Variants in UIMC1 observed in about 807,000 individuals in gnomAD.
UIMC1 encodes BRCA1-A complex subunit RAP80.
A neutral mutation model predicts 84.9 loss-of-function variants in UIMC1; 42 were observed. The ratio of observed to expected loss-of-function variants is 0.49; its 90% CI spans 0.39 to 0.64. The LOEUF is 0.64. UIMC1 is among the 30% of genes least tolerant of loss of function. UIMC1 has a pLI of 0.00. For missense variants in UIMC1, 825 were observed against 847.6 expected (o/e 0.97, Z 0.33); for synonymous variants, 281 against 293.0 (o/e 0.96, Z 0.42).
intron 11 of UIMC1, among the ~76,000 whole-genome samples, chr5:176,910,326 G>C (rs1454168424): frequency 6.6e-6 from 1 of 152,222 alleles, no homozygotes; most frequent in Non-Finnish European, 1.5e-5. Context: ...TGTTGGTAAT[G>C]ACATTACTTT....
intron 8 of UIMC1, among the ~76,000 whole-genome samples, chr5:176,952,641 A>C (rs1162078918): frequency 6.6e-6 from 1 of 152,176 alleles, no homozygotes; most frequent in East Asian, 1.9e-4. Context: ...TTTTATTTTT[A>C]AAAAGTTTGG....
chr5:176,978,882 T>C lies in UIMC1; in HGVS notation c.148-3402A>G, dbSNP rs547165540. ...CATAAAAACGGAAATATGAAACAAA[T>C]AGCAAAACATCAGAAGTAAAAGATG... On this transcript the variant is annotated intron_variant, in intron 2 of 14. Transcript: ENST00000511320. Among the ~76,000 whole-genome samples the C allele has an allele frequency of 7.2e-5, 11 of 152,014 alleles. No individual in the cohort carries two copies. The East Asian group carries it at 1.5e-3, about 21-fold the overall frequency.
At chr5:176,950,851 A>G (rs1044294593) in intron 9 of UIMC1, among the ~76,000 whole-genome samples, 37 of 152,164 alleles carry the variant, frequency 2.4e-4, no homozygotes, top group Admixed American at 1.2e-3. Context: ...AGCCTGGGCA[A>G]CAGAGTGAAA....
intron 10 of UIMC1, among the ~76,000 whole-genome samples, chr5:176,935,675 A>G (rs924566853): frequency 6.6e-6 from 1 of 152,210 alleles, no homozygotes; most frequent in Non-Finnish European, 1.5e-5. Flanking sequence ...CAGGGTACAA[A>G]TTACATTTAG....
At position 176,969,188 on chromosome 5, in the gene UIMC1, A is replaced by G; in HGVS notation, c.567T>C (p.Thr189=). The G allele has an allele frequency of 6.2e-7, 1 of 1,614,100 alleles. No individual in the cohort carries two copies. The highest frequency in any genetic ancestry group is 2.2e-5 in the East Asian group (1 of 44,876). ...REEPWDHTEK[T]EEEPVSGSSG... ...AGCTGCCAGAGACCGGCTCCTCTTCAGTTTTTTCAGTGTGGTCCCAAGGCT... is the reference window on the plus strand; with the variant it reads ...AGCTGCCAGAGACCGGCTCCTCTTCGGTTTTTTCAGTGTGGTCCCAAGGCT... Residue 189 remains threonine (T), a synonymous_variant, in exon 6 of 15, where the codon ACT becomes ACC. Coordinates refer to ENST00000511320, the MANE Select transcript of UIMC1 (RefSeq NM_001199298.2).
chr5:176,958,039 C>T, intron 7 of UIMC1, 54 bp downstream of exon 7: 6 of 1,578,622 alleles, frequency 3.8e-6, no homozygotes, highest in African/African-American at 1.3e-5. Context: ...TGGTTCATCT[C>T]CCTTATGCTG....
Position 176,905,372 on chromosome 5 carries a change from ATCTG to A in UIMC1, c.2066_2069del (p.Thr689IlefsTer3). On this transcript the variant is annotated frameshift_variant, in exon 15 of 15. Transcript: ENST00000511320. LOFTEE classifies it high-confidence loss of function. ...CTTGCTTTTTAAAGTCCACTAAGCA[ATCTG>A]TGGCTTCTGAAATGGAAACAAAAGA... 1.2e-6 allele frequency: 2 copies of A among 1,614,148 alleles called. No homozygotes were observed. Among genetic ancestry groups the A allele is most frequent in the South Asian group, 2.2e-5 (2 of 91,088 alleles).
At chr5:176,967,303 G>C (rs1253749579) in intron 6 of UIMC1, among the ~76,000 whole-genome samples, 2 of 150,162 alleles carry the variant, frequency 1.3e-5, no homozygotes, top group African/African-American at 4.9e-5. Context: ...AAAAAAAAAA[G>C]ATGAAGAAAT....
chr5:176,967,903 T>TA (rs35985130), intron 6 of UIMC1, among the ~76,000 whole-genome samples: 8,968 of 134,380 alleles, frequency 0.067, 429 homozygotes, highest in African/African-American at 0.14. Context: ...ACCTTGTCTT[T>TA]AAAAAAAAAA....
At chr5:177,012,921 G>C (rs1775581647) in intron 1 of UIMC1, among the ~76,000 whole-genome samples, 1 of 150,852 alleles carries the variant, frequency 6.6e-6, no homozygotes, top group Non-Finnish European at 1.5e-5. Flanking sequence ...TACAAAAAAT[G>C]AATAATAAAA....
At chr5:176,936,988 T>A (rs1198538687) in intron 10 of UIMC1, among the ~76,000 whole-genome samples, 1 of 152,218 alleles carries the variant, frequency 6.6e-6, no homozygotes, top group African/African-American at 2.4e-5. Flanking sequence ...GGACTTATAT[T>A]CTGTTAATTG....
intron 9 of UIMC1, among the ~76,000 whole-genome samples, chr5:176,947,207 G>A (rs901914600): frequency 1.3e-5 from 2 of 152,086 alleles, no homozygotes; most frequent in African/African-American, 2.4e-5. Flanking sequence ...TTAAAATAAG[G>A]TATTTTTTCC....
intron 10 of UIMC1, among the ~76,000 whole-genome samples, chr5:176,927,510 T>C (rs186192624): frequency 6.1e-4 from 93 of 152,072 alleles, no homozygotes; most frequent in East Asian, 3.5e-3. Flanking sequence ...CACCTCGACC[T>C]CCCAAAGTGC....
intron 10 of UIMC1, among the ~76,000 whole-genome samples, chr5:176,918,562 G>A (rs1319981570): frequency 6.6e-6 from 1 of 152,152 alleles, no homozygotes; most frequent in Non-Finnish European, 1.5e-5. Flanking sequence ...AACTCTAGCT[G>A]AGCCTATCAT....
intron 9 of UIMC1, among the ~76,000 whole-genome samples, chr5:176,949,234 T>C (rs918352806): frequency 1.3e-5 from 2 of 152,310 alleles, no homozygotes; most frequent in African/African-American, 4.8e-5. Context: ...TGCAAACTTC[T>C]AAGACTGTTT....
intron 10 of UIMC1, among the ~76,000 whole-genome samples, chr5:176,927,979 G>C (rs1342255176): frequency 6.6e-6 from 1 of 151,536 alleles, no homozygotes; most frequent in African/African-American, 2.4e-5. Context: ...AGCCTCCCGA[G>C]TAGCTGGGAT....
At chr5:176,907,254 C>A (rs1417239614) in intron 12 of UIMC1, 77 bp from the exon 13 acceptor site, 2 of 1,376,706 alleles carry the variant, frequency 1.5e-6, no homozygotes, top group South Asian at 1.2e-5. Flanking sequence ...CCAGATCACA[C>A]GTGTTCATAG....
intron 10 of UIMC1, among the ~76,000 whole-genome samples, chr5:176,940,003 C>G (rs1476521490): frequency 6.6e-6 from 1 of 152,160 alleles, no homozygotes; most frequent in African/African-American, 2.4e-5. Flanking sequence ...GGTCACTGAT[C>G]CTGGACACAG....
rs549776526 is a variant in UIMC1, at chr5:176,984,445, G to A, written c.-8-1822C>T. On this transcript the variant is annotated intron_variant, in intron 1 of 14. Coordinates refer to ENST00000511320, the MANE Select transcript of UIMC1 (RefSeq NM_001199298.2). ...TGGGAAGTGGGGAGCGCCTCTGCCC[G>A]GCTGCCTATCGTCTGGGATGTGAGG... 3.7e-4 allele frequency among the ~76,000 whole-genome samples: 53 copies of A among 144,072 alleles called. No homozygotes were observed. In the South Asian group the frequency reaches 8.1e-3, roughly 22 times the overall value. 94.5% of individuals were successfully genotyped at this position (144,072 alleles called of 152,430 possible). A position where few individuals can be genotyped will look rare whatever the true frequency, so the allele number is the denominator to read the frequency against.
Sources: allele counts gnomAD v4.1 joint callset (sites outside exome capture counted in the v4.1 genomes callset), GRCh38; gene constraint gnomAD v4.1.1; transcripts MANE v1.5; gene names NCBI Gene and HGNC (gene_info 2026-07-23, HGNC 2026-07-21).